The following OSBPL10 variants were observed in gnomAD, a reference collection of about 807,000 sequenced individuals.
OSBPL10 encodes the protein oxysterol binding protein like 10, also known as oxysterol-binding protein-related protein 10.
Under a neutral mutation model 81.7 loss-of-function variants are expected in OSBPL10, and 49 were observed. The observed-to-expected ratio is 0.60, with a 90% CI of 0.48 to 0.76. The LOEUF is 0.76. OSBPL10 is among the 30% of genes least tolerant of loss of function. The pLI is 0.00. For synonymous variants in OSBPL10, 419 were observed against 383.6 expected (o/e 1.09, Z -1.08); for missense variants, 923 against 987.8 (o/e 0.93, Z 0.88).
chr3:31,796,505 A>G (rs576924007), intron 4 of OSBPL10, among the ~76,000 whole-genome samples: 1 of 152,254 alleles, frequency 6.6e-6, no homozygotes, highest in South Asian at 2.1e-4. Context: ...TGGGTCCTAG[A>G]ACCAATCCCC....
At chr3:31,810,551 G>A (rs1027121580) in intron 4 of OSBPL10, among the ~76,000 whole-genome samples, 1 of 151,994 alleles carries the variant, frequency 6.6e-6, no homozygotes, top group Non-Finnish European at 1.5e-5. Context: ...GACAAATTAT[G>A]AAGGTGAATT....
intron 2 of OSBPL10, among the ~76,000 whole-genome samples, chr3:31,998,585 T>C (rs1699113835): frequency 6.6e-6 from 1 of 152,234 alleles, no homozygotes; most frequent in Non-Finnish European, 1.5e-5. Flanking sequence ...ATCTGTCCCT[T>C]TCATTGGATC....
chr3:31,717,375 A>T (rs1696476969), intron 6 of OSBPL10, among the ~76,000 whole-genome samples: 1 of 152,216 alleles, frequency 6.6e-6, no homozygotes, highest in Admixed American at 6.5e-5. Context: ...CCCAAAGCTC[A>T]GGTCTTATTC....
At chr3:31,744,686 C>T (rs145044155) in intron 5 of OSBPL10, among the ~76,000 whole-genome samples, 198 of 151,780 alleles carry the variant, frequency 1.3e-3, no homozygotes, top group African/African-American at 4.5e-3. Context: ...CCCCTTTTCC[C>T]AATAATTTCC....
intron 5 of OSBPL10, among the ~76,000 whole-genome samples, chr3:31,740,769 C>T (rs1045621681): frequency 1.6e-4 from 24 of 145,600 alleles, no homozygotes; most frequent in African/African-American, 6.5e-4. Flanking sequence ...CATAGTGAGA[C>T]TCCGTATCTC....
chr3:31,956,049 A>G (rs924368048), intron 1 of OSBPL10, among the ~76,000 whole-genome samples: 1 of 152,204 alleles, frequency 6.6e-6, no homozygotes, highest in African/African-American at 2.4e-5. Flanking sequence ...GTTGTTCCTA[A>G]ACATGTAGCA....
chr3:31,936,918 T>C (rs1371744676), intron 1 of OSBPL10, among the ~76,000 whole-genome samples: 1 of 152,194 alleles, frequency 6.6e-6, no homozygotes, highest in African/African-American at 2.4e-5. Context: ...CTTATCTTTC[T>C]GCTTTCTAGA....
intron 3 of OSBPL10, among the ~76,000 whole-genome samples, chr3:31,857,501 C>T (rs551394483): frequency 9.9e-5 from 15 of 151,908 alleles, no homozygotes; most frequent in Non-Finnish European, 2.1e-4. Context: ...GAAGATAAAA[C>T]GACCAACTCA....
chr3:31,964,755 A>G (rs979322605), intron 1 of OSBPL10, among the ~76,000 whole-genome samples: 1 of 152,186 alleles, frequency 6.6e-6, no homozygotes, highest in African/African-American at 2.4e-5. Context: ...ACAAACATCA[A>G]GTTCTCATGG....
At chr3:32,040,259 T>C (rs1699561532) in intron 2 of OSBPL10, among the ~76,000 whole-genome samples, 1 of 151,896 alleles carries the variant, frequency 6.6e-6, no homozygotes, top group Non-Finnish European at 1.5e-5. Context: ...ATACAAAAAA[T>C]GGCTGGGTGT....
chr3:31,942,003 G>C (rs1474040208), intron 1 of OSBPL10, among the ~76,000 whole-genome samples: 1 of 152,150 alleles, frequency 6.6e-6, no homozygotes, highest in African/African-American at 2.4e-5. Flanking sequence ...GGCAGGGCAC[G>C]GTGGCTCACG....
intron 1 of OSBPL10, among the ~76,000 whole-genome samples, chr3:32,073,222 A>C (rs1321775794): frequency 6.6e-6 from 1 of 152,184 alleles, no homozygotes; most frequent in South Asian, 2.1e-4. Context: ...CCTCTAGGCA[A>C]CTATCTTCCA....
intron 1 of OSBPL10, among the ~76,000 whole-genome samples, chr3:31,900,629 T>TA (rs1291982840): frequency 6.6e-6 from 1 of 152,264 alleles, no homozygotes. Flanking sequence ...GTCTTTATTC[T>TA]AGAAGGGAGT....
chr3:31,840,302 T>C (rs866635111), intron 3 of OSBPL10, among the ~76,000 whole-genome samples: 4 of 152,122 alleles, frequency 2.6e-5, no homozygotes, highest in African/African-American at 9.7e-5. Context: ...AAATTTGATT[T>C]TTCTTAAAAT....
chr3:31,864,554 A>G (rs1701130816), intron 3 of OSBPL10, among the ~76,000 whole-genome samples: 1 of 152,056 alleles, frequency 6.6e-6, no homozygotes, highest in Non-Finnish European at 1.5e-5. Context: ...ACTTAACCAT[A>G]TAAAGTATAT....
At chr3:31,709,901 C>A (rs188139087) in intron 6 of OSBPL10, among the ~76,000 whole-genome samples, 10 of 152,142 alleles carry the variant, frequency 6.6e-5, no homozygotes, top group Non-Finnish European at 1.3e-4. Context: ...CCAAATCCAG[C>A]GCTGAATTAA....
chr3:32,044,741 C>CAAAAAAAA (rs34855965), intron 2 of OSBPL10, among the ~76,000 whole-genome samples: 7 of 67,072 alleles, frequency 1.0e-4, no homozygotes, highest in East Asian at 4.7e-4. Context: ...AACTCCATCT[C>CAAAAAAAA]AAAAAAAAAA....
intron 4 of OSBPL10, among the ~76,000 whole-genome samples, chr3:31,829,409 T>C (rs1391180198): frequency 6.6e-6 from 1 of 152,238 alleles, no homozygotes; most frequent in Non-Finnish European, 1.5e-5. Context: ...CTCACTTTTA[T>C]AAGGCACAAT....
At chr3:31,853,114 G>A (rs1700810632) in intron 3 of OSBPL10, among the ~76,000 whole-genome samples, 1 of 152,150 alleles carries the variant, frequency 6.6e-6, no homozygotes, top group African/African-American at 2.4e-5. Flanking sequence ...CAAGGCTTAG[G>A]AGGGACGGAA....
Sources: allele counts gnomAD v4.1 joint callset (sites outside exome capture counted in the v4.1 genomes callset), GRCh38; gene constraint gnomAD v4.1.1; transcripts MANE v1.5; gene names NCBI Gene and HGNC (gene_info 2026-07-23, HGNC 2026-07-21).